MB21D2: variants seen among roughly 807,000 people sequenced by gnomAD.
MB21D2 encodes nucleotidyltransferase MB21D2.
In MB21D2, 9 loss-of-function variants were observed where a neutral mutation model predicts 33.3. That is an observed-to-expected ratio of 0.27 (90% CI 0.16 to 0.47). MB21D2 has a LOEUF of 0.47. Ranked by LOEUF, MB21D2 falls within the 20% of genes least tolerant of loss-of-function variation. The pLI is 0.99. For synonymous variants in MB21D2, 241 were observed against 236.3 expected (o/e 1.02, Z -0.18); for missense variants, 540 against 624.6 (o/e 0.86, Z 1.44).
At chr3:192,835,691 T>G (rs907801805) in intron 1 of MB21D2, among the ~76,000 whole-genome samples, 3 of 152,026 alleles carry the variant, frequency 2.0e-5, no homozygotes, top group Admixed American at 6.6e-5. Flanking sequence ...AACTAAAAAA[T>G]TTAGATGAAT....
At chr3:192,811,094 A>C (rs1208379415) in intron 1 of MB21D2, among the ~76,000 whole-genome samples, 1 of 152,204 alleles carries the variant, frequency 6.6e-6, no homozygotes, top group Non-Finnish European at 1.5e-5. Flanking sequence ...GAGTTAATGC[A>C]AGAGAACTGA....
intron 1 of MB21D2, among the ~76,000 whole-genome samples, chr3:192,849,922 CTT>C (rs58263373): frequency 0.074 from 10,404 of 139,830 alleles, 1,238 homozygotes; most frequent in African/African-American, 0.26. Flanking sequence ...TAAAAATTTT[CTT>C]TTTTTTTTTT....
chr3:192,802,293 G>A (rs914681009), intron 1 of MB21D2, among the ~76,000 whole-genome samples: 1 of 152,182 alleles, frequency 6.6e-6, no homozygotes, highest in East Asian at 1.9e-4. Flanking sequence ...GGGAAGCTCA[G>A]CTTCTCCTAC....
chr3:192,837,206 G>T (rs1326848658), intron 1 of MB21D2, among the ~76,000 whole-genome samples: 1 of 152,136 alleles, frequency 6.6e-6, no homozygotes, highest in Non-Finnish European at 1.5e-5. Flanking sequence ...GTTTCCTCCC[G>T]AGAGAGCTCT....
intron 1 of MB21D2, among the ~76,000 whole-genome samples, chr3:192,836,038 A>G (rs1395970007): frequency 6.6e-6 from 1 of 152,114 alleles, no homozygotes; most frequent in African/African-American, 2.4e-5. Context: ...GTCAGAGAGT[A>G]TGGTTATATG....
At position 192,798,133 on chromosome 3, in the gene MB21D2, A is replaced by AG. The variant is rs746263315; in HGVS notation, c.*252dup. ...TCTATGGCTTAAGATCTCCTTAAAA[A>AG]GAAAAAAAACTCCAACAAACTAAAG... On this transcript the variant is annotated 3_prime_UTR_variant, in exon 2 of 2. Transcript: ENST00000392452. The surrounding 1 kb of genome is among the most constrained non-coding windows in gnomAD (Gnocchi z 4.8). 4.8e-6 allele frequency: 2 copies of AG among 413,852 alleles called. No individual in the cohort carries two copies. Among genetic ancestry groups the AG allele is most frequent in the Non-Finnish European group, 8.6e-6 (2 of 233,726 alleles). The allele number at this position is 413,852 out of a possible 1,614,324, so 25.6% of individuals were successfully genotyped here. A position where few individuals can be genotyped will look rare whatever the true frequency, so the allele number is the denominator to read the frequency against.
At chr3:192,908,252 C>T (rs1185535588) in intron 1 of MB21D2, among the ~76,000 whole-genome samples, 1 of 152,252 alleles carries the variant, frequency 6.6e-6, no homozygotes, top group African/African-American at 2.4e-5. Context: ...TCACATCACA[C>T]TTAGTGAGCA....
At chr3:192,914,021 T>C (rs4687368) in intron 1 of MB21D2, among the ~76,000 whole-genome samples, 57,342 of 152,072 alleles carry the variant, frequency 0.38, 11,819 homozygotes, top group South Asian at 0.48. Flanking sequence ...CTAAAACTTA[T>C]AGCTAAAATC....
chr3:192,825,612 T>C (rs779145200), intron 1 of MB21D2, among the ~76,000 whole-genome samples: 11 of 152,240 alleles, frequency 7.2e-5, no homozygotes, highest in Non-Finnish European at 1.3e-4. Flanking sequence ...ACTAATTGCA[T>C]TTGGCCCTTA....
rs961245917 is a variant in MB21D2 at position 192,885,983 on chromosome 3, T to G, written c.211+31647A>C. Among the ~76,000 whole-genome samples the G allele has an allele frequency of 7.9e-5, 12 of 152,206 alleles. No homozygotes were observed. The East Asian group carries it at 2.3e-3, about 29-fold the overall frequency. On this transcript the variant is annotated intron_variant, in intron 1 of 1. Coordinates refer to ENST00000392452, the MANE Select transcript of MB21D2 (RefSeq NM_178496.4). The stretch of plus-strand genomic sequence containing the variant: ...TTTATAATTTTTTTTTCTTTGGAGA[T>G]GAAGTCTCACTCTGTCGCCCAGGCT...
intron 1 of MB21D2, among the ~76,000 whole-genome samples, chr3:192,808,304 G>A (rs1711709229): frequency 6.6e-6 from 1 of 152,118 alleles, no homozygotes; most frequent in Admixed American, 6.6e-5. Context: ...TAGAAATTGA[G>A]ATAATAGCAC....
intron 1 of MB21D2, among the ~76,000 whole-genome samples, chr3:192,910,439 T>C (rs547386484): frequency 3.3e-5 from 5 of 152,206 alleles, no homozygotes; most frequent in South Asian, 2.1e-4. Flanking sequence ...GATGGCATCA[T>C]TGCACTCCAG....
intron 1 of MB21D2, among the ~76,000 whole-genome samples, chr3:192,879,549 G>T (rs1333811977): frequency 6.6e-6 from 1 of 152,196 alleles, no homozygotes; most frequent in Non-Finnish European, 1.5e-5. Context: ...ATTTCCCCTG[G>T]AAATTAAAAA....
chr3:192,855,183 C>T (rs1712889164), intron 1 of MB21D2, among the ~76,000 whole-genome samples: 1 of 152,186 alleles, frequency 6.6e-6, no homozygotes, highest in Non-Finnish European at 1.5e-5. Flanking sequence ...ACTGCAAGCT[C>T]TGTCTCCCAG....
chr3:192,916,118 A>ATATG (rs1560260863), intron 1 of MB21D2, among the ~76,000 whole-genome samples: 1 of 149,226 alleles, frequency 6.7e-6, no homozygotes, highest in Non-Finnish European at 1.5e-5. Context: ...ATATATATAT[A>ATATG]TATTTAATTC....
chr3:192,914,749 C>T (rs1195319682), intron 1 of MB21D2, among the ~76,000 whole-genome samples: 1 of 152,102 alleles, frequency 6.6e-6, no homozygotes, highest in African/African-American at 2.4e-5. Flanking sequence ...CAGAGAGCAT[C>T]AGGACAGACC....
At chr3:192,869,283 A>AAGGGGGGG (rs1560244597) in intron 1 of MB21D2, among the ~76,000 whole-genome samples, 1 of 113,634 alleles carries the variant, frequency 8.8e-6, no homozygotes, top group Non-Finnish European at 1.7e-5. Flanking sequence ...GGAAGGAAGG[A>AAGGGGGGG]AGGAGGGGAG....
At chr3:192,812,433 G>C (rs951127449) in intron 1 of MB21D2, among the ~76,000 whole-genome samples, 5 of 152,178 alleles carry the variant, frequency 3.3e-5, no homozygotes, top group African/African-American at 9.7e-5. Context: ...CCTAACACAA[G>C]AGAAGTTCAG....
intron 1 of MB21D2, among the ~76,000 whole-genome samples, chr3:192,891,079 A>G (rs571546426): frequency 1.3e-5 from 2 of 152,290 alleles, no homozygotes; most frequent in South Asian, 4.1e-4. Flanking sequence ...AACACACATC[A>G]TCTTCTGACT....
Sources: allele counts gnomAD v4.1 joint callset (sites outside exome capture counted in the v4.1 genomes callset), GRCh38; gene constraint gnomAD v4.1.1; non-coding constraint Gnocchi (gnomAD v3.1); transcripts MANE v1.5; gene names NCBI Gene and HGNC (gene_info 2026-07-23, HGNC 2026-07-21).